The following TRAP1 variants were observed in gnomAD, a reference collection of about 807,000 sequenced individuals.
TRAP1 encodes the protein heat shock protein 75 kDa, mitochondrial.
Under a neutral mutation model 89.1 loss-of-function variants are expected in TRAP1, and 102 were observed. The observed-to-expected ratio is 1.15, with a 90% CI of 0.98 to 1.35. The LOEUF is 1.35. Ranked by LOEUF, TRAP1 falls within the 40% of genes most tolerant of loss-of-function variation. The pLI is 0.00. For missense variants in TRAP1, 1,256 were observed against 945.3 expected, an observed-to-expected ratio of 1.33 and a Z score of -4.31; for synonymous variants, 508 against 388.0, an observed-to-expected ratio of 1.31 and a Z score of -3.64.
intron 6 of TRAP1, 87 bp downstream of exon 6, chr16:3,677,411 G>T: frequency 1.9e-6 from 3 of 1,550,658 alleles, no homozygotes; most frequent in South Asian, 2.3e-5. Flanking sequence ...GCCTGTGTAC[G>T]TTTTCTGAGT....
In TRAP1 at chr16:3,681,024, G is replaced by A. The variant is rs143584725; in HGVS notation, c.472-1234C>T. 3.9e-3 allele frequency among the ~76,000 whole-genome samples: 587 copies of A among 152,256 alleles called. 3 individuals are homozygous for A. Among genetic ancestry groups the A allele is most frequent in the African/African-American group, 0.013 (559 of 41,534 alleles). ...GACCAACGCGCTGGTGAACACACAA[G>A]GCCTTACTGACCATGGGCTCCTCCT... On this transcript the variant is annotated intron_variant, in intron 4 of 17. Transcript: ENST00000246957.
At position 3,689,103 on chromosome 16, in the gene TRAP1, T is replaced by C. The variant is rs2051177071; in HGVS notation, c.282A>G (p.Thr94=). Residue 94 remains threonine, a synonymous_variant, in exon 3 of 18, where the codon ACA becomes ACG. Transcript: ENST00000246957. The stretch of plus-strand genomic sequence containing the variant: ...GGGCAACAATGTCCAAAAGCTTCTT[T>C]GTCTCGGCCTGGAACTCATGTTTGG... ...STSKHEFQAE[T]KKLLDIVARS... 3 of 1,613,774 alleles carry C rather than the reference T, an allele frequency of 1.9e-6. No individual in the cohort carries two copies. The highest frequency in any genetic ancestry group is 2.5e-6 in the Non-Finnish European group (3 of 1,180,008).
At chr16:3,677,160 G>C (rs528552541) in intron 6 of TRAP1, among the ~76,000 whole-genome samples, 2 of 152,134 alleles carry the variant, frequency 1.3e-5, no homozygotes, top group African/African-American at 4.8e-5. Flanking sequence ...GGAGGAAGCA[G>C]AATGAGCTCT....
rs1016770223 is a variant in TRAP1 at position 3,662,821 on chromosome 16, G to C, written c.1794+61C>G. On this transcript the variant is annotated intron_variant, in intron 15 of 17. Coordinates refer to ENST00000246957, the MANE Select transcript of TRAP1 (RefSeq NM_016292.3). ...ACGGGCCAGGTACTGGGAGCCACCA[G>C]CTGGCCAGCCTGTTAGGGACACTGC... 7.1e-6 allele frequency: 11 copies of C among 1,547,026 alleles called. No homozygotes were observed. The African/African-American group carries it at 1.1e-4, about 15-fold the overall frequency.
chr16:3,711,455 C>T lies in TRAP1; in HGVS notation c.88+5966G>A, dbSNP rs112157499. ...CTCAACTAAAAATACAAAAATTAGC[C>T]GGGCACGGTAGTGCATGCCTGTAGC... On this transcript the variant is annotated intron_variant, in intron 1 of 17. Coordinates refer to ENST00000246957, the MANE Select transcript of TRAP1 (RefSeq NM_016292.3). 6.1e-3 allele frequency among the ~76,000 whole-genome samples: 926 copies of T among 152,072 alleles called. 7 individuals carry two copies. Among genetic ancestry groups the T allele is most frequent in the African/African-American group, 0.02 (843 of 41,484 alleles).
chr16:3,711,032 G>GA (rs147569014), intron 1 of TRAP1, among the ~76,000 whole-genome samples: 68,991 of 133,744 alleles, frequency 0.52, 17,662 homozygotes, highest in African/African-American at 0.6. Flanking sequence ...CAGCTAATTG[G>GA]AAAAAAAAAA....
At chr16:3,662,999 C>T (rs2043172522) in intron 14 of TRAP1, 32 bp from the exon 15 acceptor site, 3 of 1,549,948 alleles carry the variant, frequency 1.9e-6, no homozygotes, top group Admixed American at 1.9e-5. Flanking sequence ...GGAGCTCAGG[C>T]CTGCATCCCA....
intron 3 of TRAP1, chr16:3,686,914 T>G (rs2051145857): frequency 6.6e-6 from 1 of 152,164 alleles, no homozygotes; most frequent in South Asian, 2.1e-4. Flanking sequence ...GAGGTTGCAG[T>G]GAGCCGAGAT....
intron 17 of TRAP1, 38 bp downstream of exon 17, chr16:3,658,755 C>CCTGGGTCCCTGCAGTCATCCTAA (rs752930509): frequency 6.3e-7 from 1 of 1,594,490 alleles, no homozygotes; most frequent in Non-Finnish European, 8.6e-7. Context: ...GGGCTGGTAG[C>CCTGGGTCCCTGCAGTCATCCTAA]CTGGGTCCCT....
At position 3,680,191 on chromosome 16, in the gene TRAP1, C is replaced by T. The variant is rs373302921; in HGVS notation, c.472-401G>A. Reference sequence around the variant, plus strand: ...CAGAGACTGCAGTGAACTGAGATTGCGCCACTGCACTCCAGCCTGGGTGAC... The same window carrying T: ...CAGAGACTGCAGTGAACTGAGATTGTGCCACTGCACTCCAGCCTGGGTGAC... On this transcript the variant is annotated intron_variant, in intron 4 of 17. Coordinates refer to ENST00000246957, the MANE Select transcript of TRAP1 (RefSeq NM_016292.3). 1.7e-4 allele frequency: 28 copies of T among 168,936 alleles called. 1 individual carries two copies. In the East Asian group the frequency reaches 3.5e-3, roughly 21 times the overall value. 10.5% of individuals were successfully genotyped at this position (168,936 alleles called of 1,614,324 possible).
intron 1 of TRAP1, among the ~76,000 whole-genome samples, chr16:3,695,623 A>C (rs1195443531): frequency 6.6e-6 from 1 of 152,174 alleles, no homozygotes; most frequent in Admixed American, 6.6e-5. Context: ...AATGAAATAC[A>C]AACAGCAAAT....
At chr16:3,696,169 G>A (rs926997844) in intron 1 of TRAP1, among the ~76,000 whole-genome samples, 1 of 152,150 alleles carries the variant, frequency 6.6e-6, no homozygotes, top group South Asian at 2.1e-4. Context: ...AGGACGGCTG[G>A]TCACCCTACC....
intron 13 of TRAP1, chr16:3,663,899 T>C (rs1247147015): frequency 2.8e-6 from 1 of 357,192 alleles, no homozygotes; most frequent in Non-Finnish European, 5.2e-6. Flanking sequence ...GCCGTCTCTA[T>C]TAAAAATACA....
rs2050738147 is a variant in TRAP1, at chr16:3,663,455, G to C, written c.1677C>G (p.Tyr559Ter). 2 of 1,614,156 alleles carry C rather than the reference G, an allele frequency of 1.2e-6. No homozygotes were observed. Among genetic ancestry groups the C allele is most frequent in the African/African-American group, 1.3e-5 (1 of 75,050 alleles). The change falls in exon 14 of 18, where the codon TAC (tyrosine) becomes TAG (stop). Residue 559 changes from tyrosine to a stop codon, truncating the protein, a stop_gained. Transcript: ENST00000246957. LOFTEE classifies it high-confidence loss of function. ...SVETDIVVDH[Y>*]KEEKFEDRSP... is the part of the protein sequence containing the mutation. ...ACCTGTCCTCAAACTTCTCCTCCTT[G>C]TAGTGATCCACGACTATGTCCGTCT...
intron 16 of TRAP1, 56 bp downstream of exon 16, chr16:3,661,929 CCA>C (rs1021189548): frequency 3.3e-6 from 5 of 1,525,826 alleles, no homozygotes; most frequent in African/African-American, 2.8e-5. Context: ...CAAAAGAACA[CCA>C]CACACAGGAT....
chr16:3,692,605 T>G (rs1327229332), intron 1 of TRAP1, among the ~76,000 whole-genome samples: 5 of 149,398 alleles, frequency 3.3e-5, no homozygotes, highest in South Asian at 4.3e-4. Flanking sequence ...CTTTTTTTTT[T>G]TTTTTTTTTT....
intron 11 of TRAP1, among the ~76,000 whole-genome samples, chr16:3,670,595 T>C (rs1267044371): frequency 6.6e-6 from 1 of 151,908 alleles, no homozygotes; most frequent in Non-Finnish European, 1.5e-5. Context: ...TCCCAGCTAC[T>C]TGGGAGGCTG....
intron 4 of TRAP1, chr16:3,680,023 A>G: frequency 2.1e-6 from 1 of 479,416 alleles, no homozygotes. Context: ...TGAGGCCAGG[A>G]GTTCAAGACC....
chr16:3,669,372 T>TGTGGAC (rs2050879830), intron 11 of TRAP1, among the ~76,000 whole-genome samples: 1 of 152,202 alleles, frequency 6.6e-6, no homozygotes, highest in Non-Finnish European at 1.5e-5. Flanking sequence ...GGTCCTGCTG[T>TGTGGAC]CAGAAGCCAG....
Sources: allele counts gnomAD v4.1 joint callset (sites outside exome capture counted in the v4.1 genomes callset), GRCh38; gene constraint gnomAD v4.1.1; transcripts MANE v1.5; gene names NCBI Gene and HGNC (gene_info 2026-07-23, HGNC 2026-07-21).